Variants in SMARCD3 observed in about 807,000 individuals in gnomAD.
The protein encoded by SMARCD3 is SWI/SNF related BAF chromatin remodeling complex subunit D3.
SMARCD3 carries 14 observed loss-of-function variants against 58.0 expected under a neutral mutation model. The observed-to-expected ratio is 0.24, with a 90% CI of 0.16 to 0.38. The LOEUF is 0.38. Ranked by LOEUF, SMARCD3 falls within the 10% of genes least tolerant of loss-of-function variation. The pLI is 1.00. For synonymous variants in SMARCD3, 253 were observed against 253.8 expected, an observed-to-expected ratio of 1.00 and a Z score of 0.03; for missense variants, 408 against 636.9, an observed-to-expected ratio of 0.64 and a Z score of 3.87.
intron 2 of SMARCD3, among the ~76,000 whole-genome samples, chr7:151,268,317 G>A (rs1795059845): frequency 6.6e-6 from 1 of 152,228 alleles, no homozygotes; most frequent in Admixed American, 6.5e-5. Context: ...ACAATCGGGT[G>A]GAGCTGAGGA....
Position 151,239,988 on chromosome 7 carries a change from C to CTTTTTTT in SMARCD3, c.1173+117_1173+123dup. The CTTTTTTT allele has an allele frequency of 1.2e-6, 1 of 830,296 alleles. No homozygotes were observed. The highest frequency in any genetic ancestry group is 1.8e-6 in the Non-Finnish European group (1 of 558,046). The allele number at this position is 830,296 out of a possible 1,614,324, so 51.4% of individuals were successfully genotyped here. On this transcript the variant is annotated intron_variant, in intron 10 of 12. Transcript: ENST00000262188. This position sits in a 1 kb window ranked among gnomAD's most constrained non-coding sequence, Gnocchi z 7.0. ...GTCCCATTGGCCCAGAGTCTGGTCTCTTTTTTTTTTTTTTTTTTAATTTAA... is the reference window on the plus strand; with the variant it reads ...GTCCCATTGGCCCAGAGTCTGGTCTCTTTTTTTTTTTTTTTTTTTTTTTTTAATTTAA...
At position 151,242,277 on chromosome 7, in the gene SMARCD3, G is replaced by A; in HGVS notation, c.580-45C>T. ...ACCATGGGGGCAGAACAGGGACGAG[G>A]TGGGAGGAGCAGAAGGAGGCCAAGT... On this transcript the variant is annotated intron_variant, in intron 5 of 12. Coordinates refer to ENST00000262188, the MANE Select transcript of SMARCD3 (RefSeq NM_001003801.2). This position sits in a 1 kb window ranked among gnomAD's most constrained non-coding sequence, Gnocchi z 4.7. 6.6e-7 allele frequency: 1 copy of A among 1,517,086 alleles called. No individual in the cohort carries two copies. The highest frequency in any genetic ancestry group is 9.2e-7 in the Non-Finnish European group (1 of 1,091,538). 94.0% of individuals were successfully genotyped at this position (1,517,086 alleles called of 1,614,324 possible). A position where few individuals can be genotyped will look rare whatever the true frequency, so the allele number is the denominator to read the frequency against.
rs754014328 is a variant in SMARCD3 at position 151,242,215 on chromosome 7, C to T, written c.597G>A (p.Arg199=). 8 of 1,613,810 alleles carry T rather than the reference C, an allele frequency of 5.0e-6. No homozygotes were observed. In the South Asian group the frequency reaches 7.7e-5, roughly 16 times the overall value. Residue 199 remains arginine (R), a synonymous_variant, in exon 6 of 13, where the codon CGG becomes CGA. Coordinates refer to ENST00000262188, the MANE Select transcript of SMARCD3 (RefSeq NM_001003801.2). The surrounding 1 kb of genome is among the most constrained non-coding windows in gnomAD (Gnocchi z 4.7). ...KLLDDPSKQK[R]KFSSFFKSLV... is the part of the protein sequence containing the mutation. ...AACTCTTGAAGAAAGAAGAGAACTTCCGCTTCTGTTTGCTGGGCTGTGGGA... is the reference window on the plus strand; with the variant it reads ...AACTCTTGAAGAAAGAAGAGAACTTTCGCTTCTGTTTGCTGGGCTGTGGGA...
rs150586542 is a variant in SMARCD3 at position 151,265,898 on chromosome 7, T to G, written c.39+9216A>C. Among the ~76,000 whole-genome samples, 139 of 152,346 alleles carry G rather than the reference T, an allele frequency of 9.1e-4. 1 individual carries two copies. Among genetic ancestry groups the G allele is most frequent in the African/African-American group, 3.1e-3 (127 of 41,574 alleles). On this transcript the variant is annotated intron_variant, in intron 2 of 13. Transcript: ENST00000356800. ...GTCATCATGGCCATTAATTTATCAC[T>G]CTTTGGTAATCACCCGTTGCACTGT...
rs1453431916 is a variant in SMARCD3 at position 151,243,511 on chromosome 7, G to C, written c.333+148C>G. Reference sequence around the variant, plus strand: ...TCCCTCCACCTCACCCCCTCCCTCTGGCCTGCGGAGCCTCACTTATTAATG... The same window carrying C: ...TCCCTCCACCTCACCCCCTCCCTCTCGCCTGCGGAGCCTCACTTATTAATG... On this transcript the variant is annotated intron_variant, in intron 3 of 12. Coordinates refer to ENST00000262188, the MANE Select transcript of SMARCD3 (RefSeq NM_001003801.2). The surrounding 1 kb of genome is among the most constrained non-coding windows in gnomAD (Gnocchi z 4.4). 1 of 655,346 alleles carries C rather than the reference G, an allele frequency of 1.5e-6. No homozygotes were observed. Among genetic ancestry groups the C allele is most frequent in the African/African-American group, 1.8e-5 (1 of 55,910 alleles). 40.6% of individuals were successfully genotyped at this position (655,346 alleles called of 1,614,324 possible).
upstream of SMARCD3, among the ~76,000 whole-genome samples, chr7:151,253,640 G>A (rs1165996287): frequency 3.3e-5 from 5 of 152,082 alleles, no homozygotes. Context: ...GGCACATTTT[G>A]GATTCACAGC....
chr7:151,251,827 G>C (rs1411101266), upstream of SMARCD3, among the ~76,000 whole-genome samples: 1 of 151,042 alleles, frequency 6.6e-6, no homozygotes, highest in East Asian at 1.9e-4. Flanking sequence ...CGCGCAGGGA[G>C]AGATGCGCCG....
chr7:151,249,967 G>A (rs201149770), upstream of SMARCD3, among the ~76,000 whole-genome samples: 2 of 149,592 alleles, frequency 1.3e-5, no homozygotes, highest in African/African-American at 2.5e-5. This position sits in a 1 kb window ranked among gnomAD's most constrained non-coding sequence, Gnocchi z 4.8. Flanking sequence ...CAAGGCCCTT[G>A]GGTCAAGTTT....
At chr7:151,267,583 C>T (rs568023609) in intron 2 of SMARCD3, among the ~76,000 whole-genome samples, 4 of 152,362 alleles carry the variant, frequency 2.6e-5, no homozygotes, top group African/African-American at 9.6e-5. Flanking sequence ...AGCACTGCTT[C>T]TCAAACTGGG....
chr7:151,266,920 C>T (rs879017195), intron 2 of SMARCD3, among the ~76,000 whole-genome samples: 3 of 152,120 alleles, frequency 2.0e-5, no homozygotes, highest in Admixed American at 2.0e-4. Flanking sequence ...GCTTTGTTGC[C>T]CAGGCTGGTC....
rs1803392080 is a variant in SMARCD3, at chr7:151,248,600, T to C, written c.-38A>G. On this transcript the variant is annotated 5_prime_UTR_variant, in exon 1 of 13. Transcript: ENST00000262188. This position sits in a 1 kb window ranked among gnomAD's most constrained non-coding sequence, Gnocchi z 6.1. ...AGCGGCTCCTCTCACTCTCTCTCTCTCTTCCTCTTTCTTTCCCTTTTCTGC... is the reference window on the plus strand; with the variant it reads ...AGCGGCTCCTCTCACTCTCTCTCTCCCTTCCTCTTTCTTTCCCTTTTCTGC... 6.2e-7 allele frequency: 1 copy of C among 1,610,404 alleles called. No homozygotes were observed. Among genetic ancestry groups the C allele is most frequent in the Non-Finnish European group, 8.5e-7 (1 of 1,177,528 alleles).
chr7:151,256,939 G>C (rs1160978812), intron 2 of SMARCD3, among the ~76,000 whole-genome samples: 2 of 152,116 alleles, frequency 1.3e-5, no homozygotes, highest in Non-Finnish European at 2.9e-5. Flanking sequence ...CACTGCTCCA[G>C]CAATTCTCTC....
rs560778204 is a variant in SMARCD3 at position 151,259,258 on chromosome 7, A to C, written c.40-13587T>G. ...TCCCAGCTACTCGGGAGGCTGAGGCAGGAGAATTGCTTGAACCTGGGAGGC... is the reference window on the plus strand; with the variant it reads ...TCCCAGCTACTCGGGAGGCTGAGGCCGGAGAATTGCTTGAACCTGGGAGGC... On this transcript the variant is annotated intron_variant, in intron 2 of 13. Coordinates refer to the SMARCD3 transcript ENST00000356800. 1.4e-3 allele frequency among the ~76,000 whole-genome samples: 205 copies of C among 151,702 alleles called. 1 individual carries two copies. Among genetic ancestry groups the C allele is most frequent in the African/African-American group, 4.7e-3 (193 of 41,338 alleles).
At chr7:151,264,893 G>A (rs1320107449) in intron 2 of SMARCD3, among the ~76,000 whole-genome samples, 1 of 152,206 alleles carries the variant, frequency 6.6e-6, no homozygotes, top group Admixed American at 6.5e-5. Flanking sequence ...ATGGAGCCAG[G>A]TGGGGAATTA....
Position 151,238,971 on chromosome 7 carries a change from G to T in SMARCD3, c.*132C>A. On this transcript the variant is annotated 3_prime_UTR_variant, in exon 13 of 13. Transcript: ENST00000262188. ...CCCAGTTTCCAATGACCACACGGCT[G>T]CTGTCAGATGAATGACTTTTAATCC... 1.8e-6 allele frequency: 2 copies of T among 1,099,386 alleles called. No homozygotes were observed. 68.1% of individuals were successfully genotyped at this position (1,099,386 alleles called of 1,614,324 possible).
intron 2 of SMARCD3, among the ~76,000 whole-genome samples, chr7:151,265,544 G>A (rs76197356): frequency 0.2 from 31,034 of 152,144 alleles, 3,593 homozygotes; most frequent in Non-Finnish European, 0.27. Context: ...CTCCCAGGGC[G>A]GTCATCACGA....
At chr7:151,248,757 G>GCCGCCGCCGCCGCCGCCGCCCGC, upstream of SMARCD3, 1 of 731,850 alleles carries the variant, frequency 1.4e-6, no homozygotes, top group Non-Finnish European at 1.7e-6. The surrounding 1 kb of genome is among the most constrained non-coding windows in gnomAD (Gnocchi z 6.1). Context: ...CCGCCCGCCC[G>GCCGCCGCCGCCGCCGCCGCCCGC]CCGCCGCCGC....
At chr7:151,274,515 G>A (rs921265130) in intron 2 of SMARCD3, among the ~76,000 whole-genome samples, 2 of 152,238 alleles carry the variant, frequency 1.3e-5, no homozygotes, top group African/African-American at 4.8e-5. Context: ...GCAGGGCAGG[G>A]TTGGCTCCCA....
intron 2 of SMARCD3, among the ~76,000 whole-genome samples, chr7:151,266,358 T>C (rs1423108033): frequency 6.6e-6 from 1 of 152,054 alleles, no homozygotes; most frequent in African/African-American, 2.4e-5. Context: ...ACACAGAACA[T>C]TTACTCCTGT....
Sources: allele counts gnomAD v4.1 joint callset (sites outside exome capture counted in the v4.1 genomes callset), GRCh38; gene constraint gnomAD v4.1.1; non-coding constraint Gnocchi (gnomAD v3.1); transcripts MANE v1.5; gene names NCBI Gene and HGNC (gene_info 2026-07-23, HGNC 2026-07-21).